TGFB2: variants seen among roughly 807,000 people sequenced by gnomAD.
TGFB2 encodes transforming growth factor beta 2.
TGFB2 carries 13 observed loss-of-function variants against 42.7 expected under a neutral mutation model. The observed-to-expected ratio is 0.30, with a 90% CI of 0.20 to 0.48. The LOEUF (loss-of-function observed/expected upper bound fraction) is 0.48, where lower values mean the gene tolerates loss of function less well. TGFB2 is among the 20% of genes least tolerant of loss of function. The pLI, the probability that TGFB2 is intolerant of heterozygous loss-of-function variation, is 0.99. For synonymous variants in TGFB2, 193 were observed against 193.6 expected, an observed-to-expected ratio of 1.00 and a Z score of 0.03; for missense variants, 390 against 517.5, an observed-to-expected ratio of 0.75 and a Z score of 2.39.
At chr1:218,394,607 C>G (rs887854229) in intron 1 of TGFB2, among the ~76,000 whole-genome samples, 1 of 152,080 alleles carries the variant, frequency 6.6e-6, no homozygotes, top group African/African-American at 2.4e-5. Flanking sequence ...GCCAACAGCT[C>G]GTCAAGTCTG....
At chr1:218,368,480 G>C (rs1657461647) in intron 1 of TGFB2, among the ~76,000 whole-genome samples, 1 of 152,226 alleles carries the variant, frequency 6.6e-6, no homozygotes, top group East Asian at 1.9e-4. Context: ...TCAGGCAGCA[G>C]TCTAGCTGCT....
At chr1:218,374,228 G>A (rs1229241441) in intron 1 of TGFB2, among the ~76,000 whole-genome samples, 1 of 152,206 alleles carries the variant, frequency 6.6e-6, no homozygotes, top group Non-Finnish European at 1.5e-5. Context: ...TCTAATGCCT[G>A]TTAAAAGATT....
intron 1 of TGFB2, among the ~76,000 whole-genome samples, chr1:218,369,028 G>C (rs964197312): frequency 5.3e-5 from 8 of 151,812 alleles, no homozygotes; most frequent in Non-Finnish European, 1.2e-4. Context: ...AGGCCGAGGC[G>C]GGTGGATCAC....
At chr1:218,358,700 C>A (rs1657116993) in intron 1 of TGFB2, among the ~76,000 whole-genome samples, 2 of 152,066 alleles carry the variant, frequency 1.3e-5, no homozygotes, top group South Asian at 2.1e-4. Flanking sequence ...AGGCACCCCC[C>A]ACCATGCCCA....
intron 2 of TGFB2, among the ~76,000 whole-genome samples, chr1:218,426,610 G>A (rs1484286923): frequency 6.6e-6 from 1 of 152,160 alleles, no homozygotes; most frequent in Admixed American, 6.5e-5. Context: ...ATCACTGTGG[G>A]TGGCAGCTAA....
At chr1:218,368,027 T>C (rs761400001) in intron 1 of TGFB2, among the ~76,000 whole-genome samples, 13 of 152,144 alleles carry the variant, frequency 8.5e-5, no homozygotes, top group Non-Finnish European at 1.8e-4. Context: ...GGTCTCGATC[T>C]CTTGACCTCG....
chr1:218,368,357 G>C (rs768564631), intron 1 of TGFB2, among the ~76,000 whole-genome samples: 6 of 149,178 alleles, frequency 4.0e-5, no homozygotes, highest in African/African-American at 1.5e-4. Context: ...CACTGGTCTC[G>C]AACTCCTAAA....
chr1:218,371,745 C>G (rs1450191918), intron 1 of TGFB2, among the ~76,000 whole-genome samples: 1 of 152,196 alleles, frequency 6.6e-6, no homozygotes, highest in Non-Finnish European at 1.5e-5. Context: ...AGGCGAGTTT[C>G]CATGAGGTTC....
chr1:218,349,253 G>C (rs559270654), intron 1 of TGFB2, among the ~76,000 whole-genome samples: 6 of 152,168 alleles, frequency 3.9e-5, no homozygotes, highest in Admixed American at 1.3e-4. Context: ...CGATACTACT[G>C]TGCAAGGACT....
At chr1:218,383,523 T>C (rs1658032168) in intron 1 of TGFB2, among the ~76,000 whole-genome samples, 1 of 152,018 alleles carries the variant, frequency 6.6e-6, no homozygotes, top group Non-Finnish European at 1.5e-5. Context: ...ATGAGAAGTG[T>C]GTGTATGTGG....
chr1:218,438,834 C>T (rs1007258860), intron 6 of TGFB2, among the ~76,000 whole-genome samples: 11 of 152,084 alleles, frequency 7.2e-5, no homozygotes, highest in Non-Finnish European at 1.3e-4. Context: ...GGGGACCGGG[C>T]GCAGTGACTC....
intron 1 of TGFB2, among the ~76,000 whole-genome samples, chr1:218,353,098 T>C (rs1023815031): frequency 7.2e-5 from 11 of 152,310 alleles, no homozygotes; most frequent in Non-Finnish European, 1.0e-4. Flanking sequence ...AAAATATCAC[T>C]TCAGTGATCA....
rs2102626461 is a variant in TGFB2, at chr1:218,434,171, C to T, written c.600C>T (p.Ser200=). ...CAAGAGCAGAAGGCGAATGGCTCTC[C>T]TTCGATGTAACTGATGCTGTTCATG... ...VKTRAEGEWL[S]FDVTDAVHEW... Residue 200 remains serine (S), a synonymous_variant, in exon 3 of 7, where the codon TCC becomes TCT. Transcript: ENST00000366930. The T allele has an allele frequency of 6.2e-7, 1 of 1,614,200 alleles. No homozygotes were observed. Among genetic ancestry groups the T allele is most frequent in the Non-Finnish European group, 8.5e-7 (1 of 1,180,024 alleles).
chr1:218,417,702 G>C (rs546327750), intron 2 of TGFB2, among the ~76,000 whole-genome samples: 1 of 152,216 alleles, frequency 6.6e-6, no homozygotes, highest in Non-Finnish European at 1.5e-5. Context: ...GGAAAATGTG[G>C]TTTTGTGGGC....
At chr1:218,431,609 C>T (rs1028196918) in intron 2 of TGFB2, among the ~76,000 whole-genome samples, 1 of 152,106 alleles carries the variant, frequency 6.6e-6, no homozygotes. Flanking sequence ...TAAATGTTAG[C>T]TATGTGAATA....
At chr1:218,405,420 AGT>A (rs1558248638) in intron 2 of TGFB2, 88 bp downstream of exon 2, 1 of 1,595,412 alleles carries the variant, frequency 6.3e-7, no homozygotes, top group South Asian at 1.1e-5. Context: ...GCTAGAGTAC[AGT>A]GGCATGATCA....
At chr1:218,394,731 G>C (rs747681794) in intron 1 of TGFB2, among the ~76,000 whole-genome samples, 3 of 152,108 alleles carry the variant, frequency 2.0e-5, no homozygotes, top group Admixed American at 6.5e-5. Flanking sequence ...CTGATGCGCT[G>C]TTTATTTCTT....
chr1:218,352,390 A>G (rs1427383019), intron 1 of TGFB2, among the ~76,000 whole-genome samples: 1 of 152,162 alleles, frequency 6.6e-6, no homozygotes, highest in African/African-American at 2.4e-5. Flanking sequence ...ACAAATGCCC[A>G]TTGTCATTTT....
Position 218,442,975 on chromosome 1 carries a change from G to A in TGFB2, c.*1613G>A, listed in dbSNP as rs2102636894. ...AGGAAACATCTTTTTCTTTAGTCAG[G>A]TTTTTAATATTCAGGGGGAAATTGA... On this transcript the variant is annotated 3_prime_UTR_variant, in exon 7 of 7. Transcript: ENST00000366930. 1.3e-5 allele frequency: 2 copies of A among 152,164 alleles called. No individual in the cohort carries two copies. Among genetic ancestry groups the A allele is most frequent in the African/African-American group, 4.8e-5 (2 of 41,546 alleles). 9.4% of individuals were successfully genotyped at this position (152,164 alleles called of 1,614,324 possible). A position where few individuals can be genotyped will look rare whatever the true frequency, so the allele number is the denominator to read the frequency against.
Sources: allele counts gnomAD v4.1 joint callset (sites outside exome capture counted in the v4.1 genomes callset), GRCh38; gene constraint gnomAD v4.1.1; transcripts MANE v1.5; gene names NCBI Gene and HGNC (gene_info 2026-07-23, HGNC 2026-07-21).